Variants in RADIL observed in about 807,000 individuals in gnomAD.
RADIL encodes Rap associating with DIL domain, also known as ras-associating and dilute domain-containing protein.
RADIL carries 99 observed loss-of-function variants against 97.6 expected under a neutral mutation model. The ratio of observed to expected loss-of-function variants is 1.01; its 90% CI spans 0.86 to 1.20. The LOEUF (loss-of-function observed/expected upper bound fraction) is 1.20. Among genes scored for constraint, RADIL ranks in the 50% most tolerant of loss-of-function variants. The probability of loss-of-function intolerance (pLI) is 0.00; values close to 1 mark genes in which losing one functional copy is unlikely to be tolerated. For synonymous variants in RADIL, 803 were observed against 691.8 expected (o/e 1.16, Z -2.52); for missense variants, 1,765 against 1,498.9 (o/e 1.18, Z -2.93).
chr7:4,861,887 T>A, intron 2 of RADIL: 2 of 581,832 alleles, frequency 3.4e-6, no homozygotes, highest in Non-Finnish European at 4.7e-6. Flanking sequence ...CATGATCCGC[T>A]GAGGCGGAAG....
At chr7:4,826,843 T>C (rs560920412) in intron 5 of RADIL, among the ~76,000 whole-genome samples, 65 of 151,218 alleles carry the variant, frequency 4.3e-4, no homozygotes, top group African/African-American at 1.6e-3. Context: ...GCCAAAGACA[T>C]CAGGAATGGC....
intron 2 of RADIL, among the ~76,000 whole-genome samples, chr7:4,856,628 T>C (rs548354780): frequency 6.6e-6 from 1 of 152,378 alleles, no homozygotes; most frequent in South Asian, 2.1e-4. Flanking sequence ...TTTATGCTGT[T>C]ACTTAATTTC....
rs1351343638 is a variant in RADIL at position 4,805,603 on chromosome 7, C to G, written c.2253G>C (p.Glu751Asp). 3.7e-6 allele frequency: 6 copies of G among 1,611,624 alleles called. No homozygotes were observed. The highest frequency in any genetic ancestry group is 1.7e-4 in the Middle Eastern group (1 of 5,946). The change falls in exon 10 of 15, where the codon GAG becomes GAC. Residue 751 changes from glutamate to aspartate, a missense_variant. Transcript: ENST00000399583. ...ASAMGPMSTW[E>D]PGAQDSPEAF... ...CCTCGGGGCTGTCCTGGGCCCCTGG[C>G]TCCCAGGTGCTCATGGGGCCCATGG... is the stretch of plus-strand genomic sequence containing the variant.
At chr7:4,855,647 A>G (rs1562451595) in intron 2 of RADIL, among the ~76,000 whole-genome samples, 2 of 140,952 alleles carry the variant, frequency 1.4e-5, no homozygotes, top group Non-Finnish European at 1.5e-5. Flanking sequence ...AAAAAAAAAA[A>G]GAAATGCCTC....
At chr7:4,809,191 C>T in intron 9 of RADIL, 3 of 985,290 alleles carry the variant, frequency 3.0e-6, no homozygotes, top group Non-Finnish European at 3.6e-6. Flanking sequence ...CCCGCCTCCC[C>T]GGGCTGTCAC....
chr7:4,875,656 C>G (rs1260828929), intron 2 of RADIL, among the ~76,000 whole-genome samples: 1 of 152,226 alleles, frequency 6.6e-6, no homozygotes, highest in African/African-American at 2.4e-5. Context: ...CGCTGCTTGG[C>G]AGAGGCAACG....
At chr7:4,856,446 C>T (rs965972590) in intron 2 of RADIL, among the ~76,000 whole-genome samples, 7 of 152,152 alleles carry the variant, frequency 4.6e-5, no homozygotes, top group African/African-American at 1.7e-4. Flanking sequence ...CTTTGTCACC[C>T]TTAATATATT....
At chr7:4,827,890 A>G (rs953630398) in intron 5 of RADIL, among the ~76,000 whole-genome samples, 2 of 151,808 alleles carry the variant, frequency 1.3e-5, no homozygotes, top group Admixed American at 1.3e-4. Flanking sequence ...AGACAAGGAC[A>G]GTGCAAAACA....
chr7:4,849,250 T>C lies in RADIL; in HGVS notation c.536-12645A>G, dbSNP rs1425048209. Among the ~76,000 whole-genome samples, 9 of 152,228 alleles carry C rather than the reference T, an allele frequency of 5.9e-5. No individual in the cohort carries two copies. Among genetic ancestry groups the C allele is most frequent in the Non-Finnish European group, 1.0e-4 (7 of 68,050 alleles). On this transcript the variant is annotated intron_variant, in intron 2 of 14. Coordinates refer to ENST00000399583, the MANE Select transcript of RADIL (RefSeq NM_018059.5). The surrounding 1 kb of genome is among the most constrained non-coding windows in gnomAD (Gnocchi z 5.4). Reference sequence around the variant, plus strand: ...AGGAACGGCTATGGCAGAGAACTGCTGTTTTGCTTTTAATCGGTAATGAGA... The same window carrying C: ...AGGAACGGCTATGGCAGAGAACTGCCGTTTTGCTTTTAATCGGTAATGAGA...
chr7:4,828,382 C>T (rs1783053642), intron 5 of RADIL, among the ~76,000 whole-genome samples: 1 of 152,210 alleles, frequency 6.6e-6, no homozygotes, highest in Non-Finnish European at 1.5e-5. Flanking sequence ...CGCTTCAGCC[C>T]AGGAGGTGGA....
intron 11 of RADIL, 121 bp downstream of exon 11, chr7:4,803,425 C>A (rs565426024): frequency 1.2e-6 from 1 of 856,238 alleles, no homozygotes; most frequent in Non-Finnish European, 1.7e-6. Flanking sequence ...GCCCCCTCCC[C>A]GGGCACCTCG....
At chr7:4,802,579 A>T (rs1204815499) in intron 11 of RADIL, among the ~76,000 whole-genome samples, 3 of 113,948 alleles carry the variant, frequency 2.6e-5, no homozygotes, top group Admixed American at 1.8e-4. Context: ...ACCTCGGGGC[A>T]CTCTAGCTGG....
In RADIL at chr7:4,866,553, GTTGTGACCTTGGGGAAATCATTTAA is replaced by G. The variant is rs1038873137; in HGVS notation, c.535+11027_535+11051del. On this transcript the variant is annotated intron_variant, in intron 2 of 14. Transcript: ENST00000399583. The stretch of plus-strand genomic sequence containing the variant: ...TAGAGGGGCAATTTCAAATCTATAC[GTTGTGACCTTGGGGAAATCATTTAA>G]TTGTCCATTTCACAGCTGCTCACAA... Among the ~76,000 whole-genome samples the G allele has an allele frequency of 2.6e-5, 4 of 152,236 alleles. No homozygotes were observed. In the South Asian group the frequency reaches 8.3e-4, roughly 32 times the overall value.
Position 4,835,029 on chromosome 7 carries a change from C to G in RADIL, c.994G>C (p.Val332Leu), listed in dbSNP as rs775977085. 3 of 1,610,848 alleles carry G rather than the reference C, an allele frequency of 1.9e-6. No homozygotes were observed. Among genetic ancestry groups the G allele is most frequent in the Non-Finnish European group, 2.5e-6 (3 of 1,179,114 alleles). ...GAHISVNFSEVGHRTVVLHHG... is the reference protein window; with the variant it reads ...GAHISVNFSELGHRTVVLHHG... ...TGCAGCACCACGGTCCTGTGCCCCA[C>G]CTCGGAGAAGTTGACGGAGATGTGC... The change falls in exon 4 of 15, where the codon GTG becomes CTG. Residue 332 changes from valine to leucine, a missense_variant. By Grantham distance (32) the Val-to-Leu change is conservative. Coordinates refer to ENST00000399583, the MANE Select transcript of RADIL (RefSeq NM_018059.5). This position sits in a 1 kb window ranked among gnomAD's most constrained non-coding sequence, Gnocchi z 5.8.
At chr7:4,812,164 C>T (rs976598655) in intron 9 of RADIL, among the ~76,000 whole-genome samples, 10 of 151,994 alleles carry the variant, frequency 6.6e-5, no homozygotes, top group East Asian at 5.8e-4. Context: ...TACAGGTGGG[C>T]GCTACCACAC....
At position 4,880,300 on chromosome 7, in the gene RADIL, G is replaced by A. The variant is rs1050244540; in HGVS notation, c.-64-2097C>T. ...AATCCTAAGAAGCTCAGAGCCGGCCGCAGCTTCCCCCACGGACTCATCAAA... is the reference window on the plus strand; with the variant it reads ...AATCCTAAGAAGCTCAGAGCCGGCCACAGCTTCCCCCACGGACTCATCAAA... On this transcript the variant is annotated intron_variant, in intron 1 of 14. Transcript: ENST00000399583. This position sits in a 1 kb window ranked among gnomAD's most constrained non-coding sequence, Gnocchi z 4.5. Among the ~76,000 whole-genome samples the A allele has an allele frequency of 1.5e-4, 23 of 152,146 alleles. No homozygotes were observed. Among genetic ancestry groups the A allele is most frequent in the Non-Finnish European group, 3.1e-4 (21 of 68,018 alleles).
rs1411091809 is a variant in RADIL, at chr7:4,835,821, G to C, written c.783+537C>G. Among the ~76,000 whole-genome samples the C allele has an allele frequency of 6.6e-6, 1 of 152,258 alleles. No individual in the cohort carries two copies. Among genetic ancestry groups the C allele is most frequent in the Non-Finnish European group, 1.5e-5 (1 of 68,046 alleles). ...AGTTGTCTGGCAGGGCAAGTGTCCG[G>C]CAAGGTGAGGCGAGGTGGCCCTGCG... On this transcript the variant is annotated intron_variant, in intron 3 of 14. Transcript: ENST00000399583. The surrounding 1 kb of genome is among the most constrained non-coding windows in gnomAD (Gnocchi z 5.8).
chr7:4,850,217 A>T (rs1783674270), intron 2 of RADIL, among the ~76,000 whole-genome samples: 1 of 43,238 alleles, frequency 2.3e-5, no homozygotes, highest in African/African-American at 1.3e-4. Context: ...CGATCCCTTT[A>T]AAAAAAAAAA....
Position 4,818,536 on chromosome 7 carries a change from C to T in RADIL, c.1616-1185G>A, listed in dbSNP as rs368826543. 1.8e-3 allele frequency among the ~76,000 whole-genome samples: 277 copies of T among 152,318 alleles called. 2 individuals are homozygous for T. The highest frequency in any genetic ancestry group is 4.2e-3 in the African/African-American group (174 of 41,580). The stretch of plus-strand genomic sequence containing the variant: ...AACCAGGCAGGGCAGCTGGAGGGAC[C>T]CCGGGGTCCGGGGCAGTAAGGGGCT... On this transcript the variant is annotated intron_variant, in intron 6 of 14. Transcript: ENST00000399583. The surrounding 1 kb of genome is among the most constrained non-coding windows in gnomAD (Gnocchi z 7.1).
Sources: gnomAD v4.1 joint callset for allele counts (sites outside exome capture counted in the v4.1 genomes callset) on GRCh38, gnomAD v4.1.1 for gene constraint, Gnocchi (gnomAD v3.1) non-coding constraint, MANE v1.5 for transcripts, NCBI Gene and HGNC (gene_info 2026-07-23, HGNC 2026-07-21) for gene names.